Variants in ROBO2 observed in about 807,000 individuals in gnomAD.
ROBO2 encodes roundabout guidance receptor 2.
A neutral mutation model predicts 160.8 loss-of-function variants in ROBO2; 53 were observed. The ratio of observed to expected loss-of-function variants is 0.33; its 90% CI spans 0.26 to 0.41. The LOEUF (loss-of-function observed/expected upper bound fraction) is 0.41. ROBO2 is among the 10% of genes least tolerant of loss of function. ROBO2 has a pLI of 1.00. For missense variants in ROBO2, 1,577 were observed against 1,722.4 expected (o/e 0.92, Z 1.49); for synonymous variants, 664 against 611.7 (o/e 1.09, Z -1.26).
intron 2 of ROBO2, among the ~76,000 whole-genome samples, chr3:76,105,195 A>C (rs1023936993): frequency 6.6e-6 from 1 of 152,056 alleles, no homozygotes; most frequent in Non-Finnish European, 1.5e-5. Context: ...GAAAAAAAAA[A>C]ACACTATTCT....
chr3:76,275,920 G>A (rs1278296499), intron 2 of ROBO2, among the ~76,000 whole-genome samples: 7 of 151,886 alleles, frequency 4.6e-5, no homozygotes, highest in African/African-American at 7.3e-5. Flanking sequence ...AAAAGAACTC[G>A]GAGGGGGGGA....
At chr3:76,987,835 A>T (rs945509987) in intron 2 of ROBO2, among the ~76,000 whole-genome samples, 2 of 152,090 alleles carry the variant, frequency 1.3e-5, no homozygotes, top group Non-Finnish European at 2.9e-5. Flanking sequence ...TGTTTACGAG[A>T]ATTTTTTTTT....
At chr3:77,322,942 TTATATTATATTATGGATAATATAA>T (rs1560532352) in intron 2 of ROBO2, among the ~76,000 whole-genome samples, 180 of 1,382 alleles carry the variant, frequency 0.13, no homozygotes, top group Non-Finnish European at 0.19. Flanking sequence ...ATATAATATA[TTATATTATATTATGGATAATATAA>T]TATATTATAT....
chr3:76,537,139 C>A (rs2082549189), intron 2 of ROBO2, among the ~76,000 whole-genome samples: 1 of 151,794 alleles, frequency 6.6e-6, no homozygotes, highest in South Asian at 2.1e-4. Context: ...ATTCAGAGGA[C>A]TCTGAGGTTG....
At chr3:76,906,106 G>A (rs1263625370) in intron 2 of ROBO2, among the ~76,000 whole-genome samples, 1 of 152,036 alleles carries the variant, frequency 6.6e-6, no homozygotes, top group African/African-American at 2.4e-5. Flanking sequence ...ATTGATTATT[G>A]TGGTCCACAG....
At chr3:76,416,535 G>A (rs2075766063) in intron 2 of ROBO2, among the ~76,000 whole-genome samples, 1 of 152,134 alleles carries the variant, frequency 6.6e-6, no homozygotes, top group African/African-American at 2.4e-5. Flanking sequence ...AGCTTAAGTA[G>A]TTAATGTGAT....
At position 76,965,553 on chromosome 3, in the gene ROBO2, T is replaced by C. The variant is rs112418913; in HGVS notation, c.110-132461T>C. Among the ~76,000 whole-genome samples, 554 of 152,210 alleles carry C rather than the reference T, an allele frequency of 3.6e-3. 5 individuals are homozygous for C. Among genetic ancestry groups the C allele is most frequent in the South Asian group, 0.031 (147 of 4,816 alleles). On this transcript the variant is annotated intron_variant, in intron 2 of 26. Coordinates refer to the ROBO2 transcript ENST00000487694. The stretch of plus-strand genomic sequence containing the variant: ...TTGTGCCAGACCAAAGATTGGAGCA[T>C]TGGAATGGGTATATGCTTCAGAATC...
chr3:77,144,360 A>T (rs1272419500), intron 2 of ROBO2, among the ~76,000 whole-genome samples: 1 of 152,152 alleles, frequency 6.6e-6, no homozygotes, highest in South Asian at 2.1e-4. Flanking sequence ...CAGCGGTCCC[A>T]TATTTTTTTC....
chr3:76,154,547 A>G (rs1203186282), intron 2 of ROBO2, among the ~76,000 whole-genome samples: 1 of 152,170 alleles, frequency 6.6e-6, no homozygotes, highest in Non-Finnish European at 1.5e-5. Flanking sequence ...ATAACTATTT[A>G]GAAATTCCTT....
At chr3:76,278,571 G>C (rs1399523508) in intron 2 of ROBO2, among the ~76,000 whole-genome samples, 1 of 151,910 alleles carries the variant, frequency 6.6e-6, no homozygotes, top group Non-Finnish European at 1.5e-5. Context: ...AAAAATAACA[G>C]AACACTAAGA....
intron 21 of ROBO2, among the ~76,000 whole-genome samples, chr3:77,612,696 C>G (rs2094673671): frequency 6.6e-6 from 1 of 152,122 alleles, no homozygotes; most frequent in African/African-American, 2.4e-5. Flanking sequence ...CTTGTAATCC[C>G]AGCACGTTGG....
At chr3:76,883,179 A>G (rs907348623) in intron 2 of ROBO2, among the ~76,000 whole-genome samples, 1 of 152,164 alleles carries the variant, frequency 6.6e-6, no homozygotes, top group African/African-American at 2.4e-5. Flanking sequence ...TGCACTCTAT[A>G]TACACATAAG....
chr3:77,088,429 C>T lies in ROBO2; in HGVS notation c.62-9585C>T, dbSNP rs570929625. 8.5e-5 allele frequency among the ~76,000 whole-genome samples: 13 copies of T among 152,178 alleles called. No homozygotes were observed. The East Asian group carries it at 2.3e-3, about 27-fold the overall frequency. On this transcript the variant is annotated intron_variant, in intron 1 of 25. Transcript: ENST00000461745. ...TATTTTAAGTTCTGGGATACATATGCAGGATGTACAGGTTTGTTACGTAGG... is the reference window on the plus strand; with the variant it reads ...TATTTTAAGTTCTGGGATACATATGTAGGATGTACAGGTTTGTTACGTAGG...
intron 2 of ROBO2, among the ~76,000 whole-genome samples, chr3:77,392,332 A>G (rs1358386451): frequency 6.6e-6 from 1 of 152,166 alleles, no homozygotes; most frequent in Non-Finnish European, 1.5e-5. Flanking sequence ...ACAAATCCTA[A>G]TAGGGATTAA....
intron 1 of ROBO2, among the ~76,000 whole-genome samples, chr3:77,083,695 G>A (rs992629036): frequency 6.6e-6 from 1 of 152,118 alleles, no homozygotes; most frequent in African/African-American, 2.4e-5. Context: ...GTATGCCTAA[G>A]CGGTTATGAT....
rs555735475 is a variant in ROBO2, at chr3:77,281,450, T to G, written c.388+183110T>G. Among the ~76,000 whole-genome samples the G allele has an allele frequency of 5.3e-5, 8 of 151,988 alleles. No homozygotes were observed. In the South Asian group the frequency reaches 1.7e-3, roughly 32 times the overall value. On this transcript the variant is annotated intron_variant, in intron 2 of 25. Transcript: ENST00000461745. ...AGACAAGAATTTTACTGTCTCTATA[T>G]GAAGACTTCACTTTGCACTAAATAT...
intron 2 of ROBO2, among the ~76,000 whole-genome samples, chr3:76,021,759 G>A (rs1407999651): frequency 1.3e-5 from 2 of 151,788 alleles, no homozygotes; most frequent in African/African-American, 2.4e-5. Flanking sequence ...TCATCAAGTT[G>A]TGATTTTTCA....
At chr3:77,359,846 TA>T (rs1211268248) in intron 2 of ROBO2, among the ~76,000 whole-genome samples, 3 of 151,976 alleles carry the variant, frequency 2.0e-5, no homozygotes, top group African/African-American at 7.2e-5. Context: ...ACTCACCAAA[TA>T]TTTTTATCGT....
intron 2 of ROBO2, among the ~76,000 whole-genome samples, chr3:76,678,662 T>C (rs946295752): frequency 6.6e-5 from 10 of 152,192 alleles, no homozygotes; most frequent in Admixed American, 6.5e-5. Flanking sequence ...ATGTTATAAG[T>C]ATTTATGTAA....
Sources: gnomAD v4.1 joint callset for allele counts (sites outside exome capture counted in the v4.1 genomes callset) on GRCh38, gnomAD v4.1.1 for gene constraint, MANE v1.5 for transcripts, NCBI Gene and HGNC (gene_info 2026-07-23, HGNC 2026-07-21) for gene names.